The following TPST1 variants were observed in gnomAD, a reference collection of about 807,000 sequenced individuals.
TPST1 encodes tyrosylprotein sulfotransferase 1, also known as protein-tyrosine sulfotransferase 1.
TPST1 carries 20 observed loss-of-function variants against 34.8 expected under a neutral mutation model. The ratio of observed to expected loss-of-function variants is 0.57; its 90% CI spans 0.40 to 0.84. The LOEUF (loss-of-function observed/expected upper bound fraction) is 0.84. Ranked by LOEUF, TPST1 falls within the 40% of genes least tolerant of loss-of-function variation. The pLI is 0.00. For missense variants in TPST1, 353 were observed against 455.5 expected (o/e 0.78, Z 2.05); for synonymous variants, 152 against 159.4 (o/e 0.95, Z 0.35).
intron 1 of TPST1, among the ~76,000 whole-genome samples, chr7:66,232,201 ATTTT>A (rs1319878540): frequency 1.8e-5 from 2 of 113,900 alleles, no homozygotes; most frequent in South Asian, 3.0e-4. Context: ...ATTAAAAAAA[ATTTT>A]TTTTTTTTTT....
chr7:66,304,498 T>G lies in TPST1; in HGVS notation c.1044+17789T>G, dbSNP rs80029893. 7.1e-3 allele frequency among the ~76,000 whole-genome samples: 1,088 copies of G among 152,308 alleles called. 17 individuals carry two copies. Among genetic ancestry groups the G allele is most frequent in the African/African-American group, 0.024 (1,018 of 41,562 alleles). On this transcript the variant is annotated intron_variant, in intron 3 of 5. Coordinates refer to ENST00000304842, the MANE Select transcript of TPST1 (RefSeq NM_003596.4). ...CACAGGGAAAGGAATTCTGGGAGAC[T>G]TAATTTTCTGTCCTAGACAACAGTG...
At chr7:66,227,027 G>GTTTTTTTTTTT (rs1390977469) in intron 1 of TPST1, among the ~76,000 whole-genome samples, 1 of 46,034 alleles carries the variant, frequency 2.2e-5, no homozygotes, top group African/African-American at 1.1e-4. Flanking sequence ...CTTAAAATAA[G>GTTTTTTTTTTT]CTTTTTTTTT....
intron 3 of TPST1, among the ~76,000 whole-genome samples, chr7:66,340,668 G>A (rs1170252516): frequency 6.6e-6 from 1 of 152,080 alleles, no homozygotes; most frequent in Non-Finnish European, 1.5e-5. Context: ...AAATACCTAG[G>A]CATGAACTTA....
chr7:66,338,906 C>T (rs1459084697), intron 3 of TPST1, among the ~76,000 whole-genome samples: 1 of 151,742 alleles, frequency 6.6e-6, no homozygotes, highest in African/African-American at 2.4e-5. Flanking sequence ...AAAGCAAAAC[C>T]AAACAAACCC....
intron 3 of TPST1, among the ~76,000 whole-genome samples, chr7:66,320,493 C>T (rs774676235): frequency 3.8e-4 from 58 of 151,978 alleles, no homozygotes; most frequent in South Asian, 1.0e-3. Flanking sequence ...GTGATCTGCC[C>T]GCCTCGGCCT....
At chr7:66,309,550 A>G (rs1791489771) in intron 3 of TPST1, among the ~76,000 whole-genome samples, 1 of 152,118 alleles carries the variant, frequency 6.6e-6, no homozygotes, top group Non-Finnish European at 1.5e-5. Flanking sequence ...ACCTGACCCA[A>G]CACAGGCAAA....
chr7:66,307,419 A>G (rs1309121291), intron 3 of TPST1, among the ~76,000 whole-genome samples: 1 of 152,178 alleles, frequency 6.6e-6, no homozygotes, highest in Non-Finnish European at 1.5e-5. Context: ...CGCCCGGCCC[A>G]CTTCATTCAC....
At chr7:66,260,997 C>T (rs1017421379) in intron 2 of TPST1, among the ~76,000 whole-genome samples, 3 of 152,182 alleles carry the variant, frequency 2.0e-5, no homozygotes, top group African/African-American at 7.2e-5. Flanking sequence ...CAGCTCTCTC[C>T]TCTTTGATTC....
At chr7:66,202,209 T>C (rs1036349865), upstream of TPST1, among the ~76,000 whole-genome samples, 1 of 152,212 alleles carries the variant, frequency 6.6e-6, no homozygotes, top group Non-Finnish European at 1.5e-5. Context: ...AAAGTTCATC[T>C]TGTTCTCAAT....
intron 1 of TPST1, among the ~76,000 whole-genome samples, chr7:66,217,508 G>T (rs1789448816): frequency 6.6e-6 from 1 of 152,108 alleles, no homozygotes; most frequent in African/African-American, 2.4e-5. Flanking sequence ...TGTATAGTTT[G>T]CTGTTTGCAT....
intron 3 of TPST1, among the ~76,000 whole-genome samples, chr7:66,346,795 T>G (rs1330418662): frequency 6.6e-6 from 1 of 152,116 alleles, no homozygotes; most frequent in Non-Finnish European, 1.5e-5. Context: ...CTTTGTTGAT[T>G]GTATCCTTTG....
intron 3 of TPST1, among the ~76,000 whole-genome samples, chr7:66,304,172 T>TA (rs2116064153): frequency 6.6e-6 from 1 of 152,238 alleles, no homozygotes; most frequent in East Asian, 1.9e-4. Context: ...TTGTTTACAA[T>TA]AGGAGTAGGG....
chr7:66,238,685 G>A (rs974568428), intron 1 of TPST1, among the ~76,000 whole-genome samples: 8 of 152,160 alleles, frequency 5.3e-5, no homozygotes, highest in African/African-American at 1.9e-4. Context: ...TGATTTAAGT[G>A]TTAATCACAT....
chr7:66,242,403 AT>A (rs891119425), intron 2 of TPST1, among the ~76,000 whole-genome samples: 5 of 151,034 alleles, frequency 3.3e-5, no homozygotes, highest in East Asian at 1.9e-4. Context: ...TATCTGCTTA[AT>A]TTTTTTTTGC....
chr7:66,305,462 G>A (rs1791403516), intron 3 of TPST1, among the ~76,000 whole-genome samples: 1 of 152,162 alleles, frequency 6.6e-6, no homozygotes, highest in African/African-American at 2.4e-5. Flanking sequence ...ATAAACAAGT[G>A]TAATAGAAAA....
At chr7:66,275,100 A>C (rs1001038534) in intron 2 of TPST1, among the ~76,000 whole-genome samples, 9 of 152,180 alleles carry the variant, frequency 5.9e-5, no homozygotes, top group Non-Finnish European at 1.2e-4. Flanking sequence ...AGGCTGAGGC[A>C]GGAGAATGGC....
At chr7:66,324,062 A>G (rs1438482543) in intron 3 of TPST1, among the ~76,000 whole-genome samples, 2 of 152,268 alleles carry the variant, frequency 1.3e-5, no homozygotes, top group South Asian at 2.1e-4. Context: ...AAGGAATATT[A>G]TTCAGCCTTA....
At chr7:66,311,134 T>C (rs1791523942) in intron 3 of TPST1, among the ~76,000 whole-genome samples, 1 of 152,018 alleles carries the variant, frequency 6.6e-6, no homozygotes, top group Admixed American at 6.6e-5. Flanking sequence ...ATTTTGTCTT[T>C]TTTTTGTGTG....
intron 5 of TPST1, among the ~76,000 whole-genome samples, chr7:66,358,371 G>C (rs1472848216): frequency 6.8e-6 from 1 of 147,608 alleles, no homozygotes; most frequent in Non-Finnish European, 1.5e-5. Flanking sequence ...TTTATATAAT[G>C]ATGTATTGTG....
Sources: allele counts gnomAD v4.1 joint callset (sites outside exome capture counted in the v4.1 genomes callset), GRCh38; gene constraint gnomAD v4.1.1; transcripts MANE v1.5; gene names NCBI Gene and HGNC (gene_info 2026-07-23, HGNC 2026-07-21).